STARD4: variants seen among roughly 807,000 people sequenced by gnomAD.
The protein encoded by STARD4 is StAR related lipid transfer domain containing 4, also known as stAR-related lipid transfer protein 4.
STARD4 carries 33 observed loss-of-function variants against 24.9 expected under a neutral mutation model. That is an observed-to-expected ratio of 1.32 (90% CI 1.00 to 1.77). The LOEUF (loss-of-function observed/expected upper bound fraction) is 1.77. STARD4 is among the 40% of genes most tolerant of loss of function. STARD4 has a pLI of 0.00. For synonymous variants in STARD4, 88 were observed against 77.4 expected (o/e 1.14, Z -0.72); for missense variants, 238 against 249.3 (o/e 0.95, Z 0.31).
rs947663322 is a variant in STARD4 at position 111,496,483 on chromosome 5, C to T, written c.*3403G>A. 6.6e-6 allele frequency: 1 copy of T among 152,006 alleles called. No homozygotes were observed. The highest frequency in any genetic ancestry group is 2.4e-5 in the African/African-American group (1 of 41,394). The allele number at this position is 152,006 out of a possible 1,614,324, so 9.4% of individuals were successfully genotyped here. On this transcript the variant is annotated 3_prime_UTR_variant, in exon 6 of 6. Coordinates refer to ENST00000296632, the MANE Select transcript of STARD4 (RefSeq NM_139164.3). ...TCTACAGGGTAGGGATCACTACAGT[C>T]CCATTTAATTAAAAGAAACTGGATT...
At chr5:111,501,825 A>T in intron 4 of STARD4, 137 bp downstream of exon 4, 1 of 1,206,914 alleles carries the variant, frequency 8.3e-7, no homozygotes, top group South Asian at 1.5e-5. Flanking sequence ...CTCCCCTGTG[A>T]TATCTTTGTC....
Position 111,499,885 on chromosome 5 carries a change from C to T in STARD4, c.*1G>A. 1 of 1,613,806 alleles carries T rather than the reference C, an allele frequency of 6.2e-7. No individual in the cohort carries two copies. Among genetic ancestry groups the T allele is most frequent in the Non-Finnish European group, 8.5e-7 (1 of 1,179,778 alleles). ...CTACAAGTTTGAATGTATTTTGCCT[C>T]TCATAAAGCTTTTCGTAAATCACCA... On this transcript the variant is annotated 3_prime_UTR_variant, in exon 6 of 6. Coordinates refer to ENST00000296632, the MANE Select transcript of STARD4 (RefSeq NM_139164.3).
At chr5:111,502,453 A>C (rs370214248) in intron 3 of STARD4, among the ~76,000 whole-genome samples, 1 of 150,352 alleles carries the variant, frequency 6.7e-6, no homozygotes, top group African/African-American at 2.5e-5. Flanking sequence ...TAGGTGACGG[A>C]GTGAGATTCC....
At position 111,499,781 on chromosome 5, in the gene STARD4, A is replaced by C; in HGVS notation, c.*105T>G. The stretch of plus-strand genomic sequence containing the variant: ...GTACTAGTGAACCAAAAACATTTCA[A>C]ATTTTTCTACCGGCTATGCAGAAAA... On this transcript the variant is annotated 3_prime_UTR_variant, in exon 6 of 6. Transcript: ENST00000296632. 1.9e-6 allele frequency: 2 copies of C among 1,075,366 alleles called. No homozygotes were observed. The highest frequency in any genetic ancestry group is 3.2e-5 in the South Asian group (2 of 63,220). 66.6% of individuals were successfully genotyped at this position (1,075,366 alleles called of 1,614,324 possible).
At chr5:111,502,227 G>T in intron 3 of STARD4, 139 bp from the exon 4 acceptor site, 1 of 975,512 alleles carries the variant, frequency 1.0e-6, no homozygotes, top group Non-Finnish European at 1.5e-6. Flanking sequence ...CCAGCATTCT[G>T]GGAGGCTGAG....
At position 111,507,407 on chromosome 5, in the gene STARD4, A is replaced by G; in HGVS notation, c.27T>C (p.Ser9=). The part of the protein sequence containing the change: MEGLSDVA[S]FATKLKNTLI... ...GAGTGTTTTTAAGTTTAGTTGCAAAAGAAGCAACATCAGACAGGCCTTCCA... is the reference window on the plus strand; with the variant it reads ...GAGTGTTTTTAAGTTTAGTTGCAAAGGAAGCAACATCAGACAGGCCTTCCA... Residue 9 remains serine, a synonymous_variant, in exon 2 of 6, where the codon TCT becomes TCC. Transcript: ENST00000296632. The surrounding 1 kb of genome is among the most constrained non-coding windows in gnomAD (Gnocchi z 4.4). 1.2e-6 allele frequency: 2 copies of G among 1,613,704 alleles called. No individual in the cohort carries two copies. The highest frequency in any genetic ancestry group is 1.7e-6 in the Non-Finnish European group (2 of 1,179,792).
At chr5:111,500,253 A>T in intron 5 of STARD4, 147 bp from the exon 6 acceptor site, 1 of 1,357,178 alleles carries the variant, frequency 7.4e-7, no homozygotes, top group Non-Finnish European at 9.4e-7. Context: ...TGGCAGAGTG[A>T]AAAAGAGACT....
rs1473384775 is a variant in STARD4, at chr5:111,498,463, G to A, written c.*1423C>T. On this transcript the variant is annotated 3_prime_UTR_variant, in exon 6 of 6. Coordinates refer to ENST00000296632, the MANE Select transcript of STARD4 (RefSeq NM_139164.3). ...GAATTTCACCATCCTAGATAGAACAGTAGAATATGAGACTTCCTACTCTAC... is the reference window on the plus strand; with the variant it reads ...GAATTTCACCATCCTAGATAGAACAATAGAATATGAGACTTCCTACTCTAC... The A allele has an allele frequency of 6.6e-6, 1 of 151,226 alleles. No homozygotes were observed. Among genetic ancestry groups the A allele is most frequent in the Non-Finnish European group, 1.5e-5 (1 of 67,838 alleles). The allele number at this position is 151,226 out of a possible 1,614,324, so 9.4% of individuals were successfully genotyped here.
chr5:111,506,213 A>C (rs965796859), intron 3 of STARD4, 117 bp downstream of exon 3: 1 of 345,382 alleles, frequency 2.9e-6, no homozygotes, highest in East Asian at 5.7e-5. Context: ...AAAAAAAAAA[A>C]AAAAAGTTAA....
intron 3 of STARD4, among the ~76,000 whole-genome samples, chr5:111,504,189 G>A (rs574858365): frequency 1.6e-4 from 24 of 152,222 alleles, no homozygotes; most frequent in Non-Finnish European, 2.9e-4. Context: ...AAAATTACAC[G>A]TGTGCACAAA....
At chr5:111,501,260 T>A in intron 4 of STARD4, 144 bp from the exon 5 acceptor site, 3 of 897,268 alleles carry the variant, frequency 3.3e-6, no homozygotes, top group South Asian at 2.6e-5. Flanking sequence ...TTCTGACAGG[T>A]CTAGATCTCT....
chr5:111,504,695 CTTGT>C (rs1756720205), intron 3 of STARD4, among the ~76,000 whole-genome samples: 1 of 152,152 alleles, frequency 6.6e-6, no homozygotes, highest in Non-Finnish European at 1.5e-5. Flanking sequence ...GCTCTCTCAT[CTTGT>C]ATTCTTTAAC....
chr5:111,496,328 A>ACACT lies in STARD4; in HGVS notation c.*3554_*3557dup, dbSNP rs1306941863. On this transcript the variant is annotated 3_prime_UTR_variant, in exon 6 of 6. Coordinates refer to ENST00000296632, the MANE Select transcript of STARD4 (RefSeq NM_139164.3). ...TTGAAATTATTCTGATGTTTCTTCT[A>ACACT]CACTCAAGTCCCAACCTTCTCTACT... The ACACT allele has an allele frequency of 2.0e-5, 3 of 152,108 alleles. No individual in the cohort carries two copies. The highest frequency in any genetic ancestry group is 6.6e-5 in the Admixed American group (1 of 15,248). 9.4% of individuals were successfully genotyped at this position (152,108 alleles called of 1,614,324 possible). A position where few individuals can be genotyped will look rare whatever the true frequency, so the allele number is the denominator to read the frequency against.
chr5:111,509,766 A>C (rs773285673), intron 1 of STARD4, among the ~76,000 whole-genome samples: 1 of 152,180 alleles, frequency 6.6e-6, no homozygotes, highest in Non-Finnish European at 1.5e-5. Flanking sequence ...ATTCTCACTT[A>C]TGGAAGACCT....
In STARD4 at chr5:111,498,243, G is replaced by A. The variant is rs1756203022; in HGVS notation, c.*1643C>T. On this transcript the variant is annotated 3_prime_UTR_variant, in exon 6 of 6. Coordinates refer to ENST00000296632, the MANE Select transcript of STARD4 (RefSeq NM_139164.3). The stretch of plus-strand genomic sequence containing the variant: ...GTTTCCATGAGGGTAATTTTACCTA[G>A]AGTGGGTCCATGTTTAACGGTGAAT... 6.6e-6 allele frequency: 1 copy of A among 151,804 alleles called. No individual in the cohort carries two copies. Among genetic ancestry groups the A allele is most frequent in the South Asian group, 2.1e-4 (1 of 4,800 alleles). 9.4% of individuals were successfully genotyped at this position (151,804 alleles called of 1,614,324 possible). A position where few individuals can be genotyped will look rare whatever the true frequency, so the allele number is the denominator to read the frequency against.
intron 5 of STARD4, chr5:111,500,413 A>C (rs572178678): frequency 1.8e-6 from 2 of 1,094,596 alleles, no homozygotes; most frequent in Non-Finnish European, 2.2e-6. Context: ...CCAAAAATCA[A>C]ATCCATGGTA....
intron 3 of STARD4, chr5:111,505,047 A>G (rs78709642): frequency 3.0e-6 from 1 of 334,628 alleles, no homozygotes; most frequent in East Asian, 9.5e-5. Context: ...TAAGACTCTG[A>G]AAAAAAAAAA....
intron 3 of STARD4, chr5:111,504,877 G>A: frequency 2.5e-6 from 1 of 393,526 alleles, no homozygotes; most frequent in Admixed American, 3.2e-5. Context: ...AACAATATTT[G>A]GCTCTCAATA....
Position 111,501,565 on chromosome 5 carries a change from CA to C in STARD4, c.282+396del, listed in dbSNP as rs150028761. On this transcript the variant is annotated intron_variant, in intron 4 of 5. Coordinates refer to ENST00000296632, the MANE Select transcript of STARD4 (RefSeq NM_139164.3). ...TATAATTTTAGAATATCTAAGGTGG[CA>C]TTTTTATCTTTGGTCATTGATGTTG... Among the ~76,000 whole-genome samples the C allele has an allele frequency of 1.6e-3, 248 of 152,222 alleles. 1 individual carries two copies. The highest frequency in any genetic ancestry group is 5.7e-3 in the African/African-American group (236 of 41,544).
Sources: allele counts gnomAD v4.1 joint callset (sites outside exome capture counted in the v4.1 genomes callset), GRCh38; gene constraint gnomAD v4.1.1; non-coding constraint Gnocchi (gnomAD v3.1); transcripts MANE v1.5; gene names NCBI Gene and HGNC (gene_info 2026-07-23, HGNC 2026-07-21).